CASP5: variants seen among roughly 807,000 people sequenced by gnomAD.
The protein encoded by CASP5 is caspase 5, also known as caspase-5.
In CASP5, 42 loss-of-function variants were observed where a neutral mutation model predicts 45.2. The ratio of observed to expected loss-of-function variants is 0.93; its 90% CI spans 0.73 to 1.20. CASP5 has a LOEUF of 1.20. Among genes scored for constraint, CASP5 ranks in the 50% most tolerant of loss-of-function variants. The pLI is 0.00. For missense variants in CASP5, 512 were observed against 532.2 expected, an observed-to-expected ratio of 0.96 and a Z score of 0.37; for synonymous variants, 209 against 186.2, an observed-to-expected ratio of 1.12 and a Z score of -1.00.
intron 1 of CASP5, among the ~76,000 whole-genome samples, chr11:105,020,039 GAA>G (rs1340495549): frequency 6.9e-6 from 1 of 145,318 alleles, no homozygotes; most frequent in African/African-American, 2.5e-5. Flanking sequence ...CATATAAACA[GAA>G]CCAAAGACAA....
chr11:105,022,312 A>G (rs1224470069), intron 1 of CASP5, among the ~76,000 whole-genome samples: 1 of 151,944 alleles, frequency 6.6e-6, no homozygotes, highest in Non-Finnish European at 1.5e-5. Flanking sequence ...AAGTATAATA[A>G]TAATAAATAA....
chr11:104,997,484 A>C lies in CASP5; in HGVS notation c.1105T>G (p.Ser369Ala), dbSNP rs200585583. Residue 369 changes from serine (S) to alanine (A), a missense_variant, in exon 8 of 10, where the codon TCC becomes GCC. Physicochemically the swap from Ser to Ala is moderately conservative, Grantham distance 99. Transcript: ENST00000260315. Reference sequence around the variant, plus strand: ...GAGCCCCTTGTGCGGTCTCTCCAGGACACGTTATCTATGATGATACAGCCT... The same window carrying C: ...GAGCCCCTTGTGCGGTCTCTCCAGGCCACGTTATCTATGATGATACAGCCT... The part of the protein sequence containing the change: ...AFCSSTPHNV[S>A]WRDRTRGSIF... The C allele has an allele frequency of 6.2e-7, 1 of 1,606,186 alleles. No individual in the cohort carries two copies.
chr11:104,996,040 A>G (rs1367433354), intron 8 of CASP5, among the ~76,000 whole-genome samples, 198 bp from the exon 9 acceptor site: 1 of 152,142 alleles, frequency 6.6e-6, no homozygotes, highest in African/African-American at 2.4e-5. Context: ...ACTTTACATC[A>G]AAATAAACAC....
At chr11:105,006,781 G>T (rs1862017402) in intron 3 of CASP5, among the ~76,000 whole-genome samples, 1 of 152,176 alleles carries the variant, frequency 6.6e-6, no homozygotes, top group Non-Finnish European at 1.5e-5. Context: ...CTTGCATGAA[G>T]CTGCATAGTT....
At chr11:105,010,478 A>G (rs1051264639) in intron 1 of CASP5, among the ~76,000 whole-genome samples, 1 of 124,278 alleles carries the variant, frequency 8.0e-6, no homozygotes, top group South Asian at 2.6e-4. Context: ...ATCAGTAATT[A>G]TCATTATACT....
At chr11:105,007,754 T>C (rs1234835526) in intron 2 of CASP5, among the ~76,000 whole-genome samples, 1 of 152,168 alleles carries the variant, frequency 6.6e-6, no homozygotes, top group Admixed American at 6.6e-5. Context: ...CTCTTTGCTG[T>C]ATTTAGTTTC....
intron 1 of CASP5, among the ~76,000 whole-genome samples, chr11:105,009,744 T>TACAC (rs1565387885): frequency 2.0e-3 from 137 of 69,282 alleles, no homozygotes; most frequent in East Asian, 4.1e-3. Flanking sequence ...TATATATATA[T>TACAC]ATATATATAT....
chr11:104,998,660 C>T (rs1289360617), intron 7 of CASP5, among the ~76,000 whole-genome samples: 2 of 152,136 alleles, frequency 1.3e-5, no homozygotes, highest in African/African-American at 4.8e-5. Flanking sequence ...ATGCCTTTGA[C>T]TGTAAAGTGT....
intron 1 of CASP5, among the ~76,000 whole-genome samples, chr11:105,019,858 G>A (rs1165019074): frequency 0.017 from 2,304 of 137,718 alleles, 19 homozygotes; most frequent in African/African-American, 0.02. Flanking sequence ...AACCAAAAAA[G>A]AGAATTTTAG....
At chr11:105,008,679 G>T in intron 2 of CASP5, 128 bp downstream of exon 2, 1 of 690,746 alleles carries the variant, frequency 1.4e-6, no homozygotes, top group Non-Finnish European at 2.4e-6. Flanking sequence ...AAAAATTATA[G>T]GTTTGGTGAA....
chr11:105,016,458 G>A (rs1862599195), intron 1 of CASP5, among the ~76,000 whole-genome samples: 1 of 152,320 alleles, frequency 6.6e-6, no homozygotes, highest in Non-Finnish European at 1.5e-5. Context: ...CGTGCACCGT[G>A]TGCAAGCCGA....
intron 1 of CASP5, among the ~76,000 whole-genome samples, chr11:105,013,151 A>G (rs1591172355): frequency 6.6e-6 from 1 of 152,120 alleles, no homozygotes; most frequent in East Asian, 1.9e-4. Flanking sequence ...TACATTAAAT[A>G]AAATAAGCCA....
At chr11:105,011,684 T>C (rs1392375753) in intron 1 of CASP5, among the ~76,000 whole-genome samples, 1 of 151,264 alleles carries the variant, frequency 6.6e-6, no homozygotes, top group Non-Finnish European at 1.5e-5. Flanking sequence ...AAAAATCTCA[T>C]TTATAATGGC....
chr11:104,994,975 C>T (rs1861388838), intron 9 of CASP5, among the ~76,000 whole-genome samples: 1 of 152,184 alleles, frequency 6.6e-6, no homozygotes, highest in South Asian at 2.1e-4. Flanking sequence ...GCAGAACCTC[C>T]CACCAGACTG....
At chr11:105,007,726 T>C (rs1471914969) in intron 2 of CASP5, among the ~76,000 whole-genome samples, 1 of 152,128 alleles carries the variant, frequency 6.6e-6, no homozygotes, top group Non-Finnish European at 1.5e-5. Flanking sequence ...TAAATACTAC[T>C]AGACTATACA....
intron 1 of CASP5, among the ~76,000 whole-genome samples, chr11:105,021,327 A>G (rs1862948847): frequency 6.9e-6 from 1 of 145,458 alleles, no homozygotes; most frequent in South Asian, 2.2e-4. Context: ...ATTAAACTAA[A>G]GAGCTTCTAC....
rs368312007 is a variant in CASP5 at position 104,995,725 on chromosome 11, A to C, written c.*4+15T>G. 27 of 1,539,218 alleles carry C rather than the reference A, an allele frequency of 1.8e-5. No homozygotes were observed. The highest frequency in any genetic ancestry group is 3.4e-5 in the Admixed American group (2 of 58,960). ...CTTTCATTTATTTCACCCTCCAACAACTCTCAATACTTACATTTTCAATTG... is the reference window on the plus strand; with the variant it reads ...CTTTCATTTATTTCACCCTCCAACACCTCTCAATACTTACATTTTCAATTG... On this transcript the variant is annotated intron_variant, in intron 9 of 9. Coordinates refer to ENST00000260315, the MANE Select transcript of CASP5 (RefSeq NM_004347.5).
chr11:105,011,556 A>G (rs1428630362), intron 1 of CASP5, among the ~76,000 whole-genome samples: 1 of 151,754 alleles, frequency 6.6e-6, no homozygotes, highest in Non-Finnish European at 1.5e-5. Flanking sequence ...AAAACCCTAA[A>G]TGCTCCATGA....
chr11:105,017,443 A>G (rs902846522), intron 1 of CASP5, among the ~76,000 whole-genome samples: 3 of 152,080 alleles, frequency 2.0e-5, no homozygotes, highest in Non-Finnish European at 4.4e-5. Flanking sequence ...AGAATAACCA[A>G]TACAGAGAAG....
Sources: allele counts gnomAD v4.1 joint callset (sites outside exome capture counted in the v4.1 genomes callset), GRCh38; gene constraint gnomAD v4.1.1; transcripts MANE v1.5; gene names NCBI Gene and HGNC (gene_info 2026-07-23, HGNC 2026-07-21).